Variants in GLCCI1 observed in about 807,000 individuals in gnomAD.
The protein encoded by GLCCI1 is glucocorticoid-induced transcript 1 protein.
A neutral mutation model predicts 52.2 loss-of-function variants in GLCCI1; 24 were observed. The ratio of observed to expected loss-of-function variants is 0.46; its 90% confidence interval spans 0.33 to 0.65. The LOEUF (loss-of-function observed/expected upper bound fraction) is 0.65. GLCCI1 is among the 30% of genes least tolerant of loss of function. GLCCI1 has a pLI of 0.02. For missense variants in GLCCI1, 704 were observed against 701.5 expected, an observed-to-expected ratio of 1.00 and a Z score of -0.04; for synonymous variants, 310 against 276.5, an observed-to-expected ratio of 1.12 and a Z score of -1.20.
In GLCCI1 at chr7:8,024,359, C is replaced by T. The variant is rs138368986; in HGVS notation, c.696+1790C>T. Among the ~76,000 whole-genome samples, 216 of 152,254 alleles carry T rather than the reference C, an allele frequency of 1.4e-3. 1 individual carries two copies. Among genetic ancestry groups the T allele is most frequent in the African/African-American group, 4.6e-3 (193 of 41,544 alleles). ...AAAAAAAATCAGTTTTCTCCAGCAA[C>T]AACAAAAAATAAATGAAGCTAAGTC... is the stretch of plus-strand genomic sequence containing the variant. On this transcript the variant is annotated intron_variant, in intron 3 of 7. Transcript: ENST00000223145.
chr7:7,977,287 T>C (rs1401385117), intron 1 of GLCCI1, among the ~76,000 whole-genome samples: 1 of 152,204 alleles, frequency 6.6e-6, no homozygotes, highest in African/African-American at 2.4e-5. Context: ...ATAGATGATA[T>C]TGAGAATAAG....
chr7:7,993,364 C>T (rs1238355085), intron 1 of GLCCI1, among the ~76,000 whole-genome samples: 1 of 152,198 alleles, frequency 6.6e-6, no homozygotes, highest in African/African-American at 2.4e-5. Context: ...TTCTTTGCTT[C>T]TGTCTGCTCA....
intron 3 of GLCCI1, among the ~76,000 whole-genome samples, chr7:8,053,162 G>A (rs1584002755): frequency 1.3e-5 from 2 of 151,664 alleles, no homozygotes; most frequent in African/African-American, 4.8e-5. Flanking sequence ...GCCAGTTTCT[G>A]TTTTTTCTTC....
intron 1 of GLCCI1, among the ~76,000 whole-genome samples, chr7:7,997,299 A>G (rs77782416): frequency 2.0e-5 from 3 of 152,302 alleles, no homozygotes; most frequent in East Asian, 3.9e-4. Flanking sequence ...ATTAAAAACT[A>G]TAGCTTTCAA....
chr7:7,999,778 C>T (rs1389111825), intron 1 of GLCCI1, among the ~76,000 whole-genome samples: 1 of 152,064 alleles, frequency 6.6e-6, no homozygotes, highest in Non-Finnish European at 1.5e-5. Flanking sequence ...TGATGCACAC[C>T]TGTGGTCCCA....
intron 3 of GLCCI1, among the ~76,000 whole-genome samples, chr7:8,032,583 A>T (rs955655759): frequency 2.0e-5 from 3 of 152,038 alleles, no homozygotes; most frequent in African/African-American, 4.8e-5. Context: ...GTACAAACTT[A>T]AAAAATATTA....
At chr7:8,039,458 TAAAG>T (rs1781948033) in intron 3 of GLCCI1, among the ~76,000 whole-genome samples, 1 of 152,186 alleles carries the variant, frequency 6.6e-6, no homozygotes, top group Non-Finnish European at 1.5e-5. Flanking sequence ...TATTAATTCA[TAAAG>T]AAGAATGAAA....
Position 8,087,258 on chromosome 7 carries a change from GGAGAA to G in GLCCI1, c.*721_*725del, listed in dbSNP as rs1783136188. On this transcript the variant is annotated 3_prime_UTR_variant, in exon 8 of 8. Transcript: ENST00000223145. ...TAATCCTGGACATGGGTGAACATGA[GGAGAA>G]CCAGCAAAATCTGTGGTGTTTGACA... 1 of 152,632 alleles carries G rather than the reference GGAGAA, an allele frequency of 6.6e-6. No homozygotes were observed. Among genetic ancestry groups the G allele is most frequent in the African/African-American group, 2.4e-5 (1 of 41,450 alleles). 9.5% of individuals were successfully genotyped at this position (152,632 alleles called of 1,614,324 possible).
chr7:8,054,206 ATC>A (rs1416227097), intron 3 of GLCCI1, among the ~76,000 whole-genome samples: 1 of 152,116 alleles, frequency 6.6e-6, no homozygotes, highest in African/African-American at 2.4e-5. Context: ...ATAGAGAATT[ATC>A]TGTCTTGAGT....
At chr7:7,987,343 T>G (rs1461896925) in intron 1 of GLCCI1, among the ~76,000 whole-genome samples, 6 of 152,206 alleles carry the variant, frequency 3.9e-5, no homozygotes, top group Non-Finnish European at 7.3e-5. Flanking sequence ...TCCTGACGTT[T>G]CCAGGTAAAG....
intron 1 of GLCCI1, among the ~76,000 whole-genome samples, chr7:8,003,517 C>T (rs1241859529): frequency 2.6e-5 from 4 of 152,048 alleles, no homozygotes; most frequent in Admixed American, 2.6e-4. Context: ...CAATGACTAA[C>T]CATGGAAATG....
intron 3 of GLCCI1, 33 bp from the exon 4 acceptor site, chr7:8,055,400 T>G (rs1782362245): frequency 7.3e-7 from 1 of 1,372,106 alleles, no homozygotes; most frequent in Non-Finnish European, 1.0e-6. Flanking sequence ...TCACTTTTAT[T>G]CTCTTCTTAC....
chr7:8,005,319 C>G (rs1038657260), intron 2 of GLCCI1, among the ~76,000 whole-genome samples: 1 of 151,752 alleles, frequency 6.6e-6, no homozygotes, highest in Non-Finnish European at 1.5e-5. Context: ...AGAAGAAGGT[C>G]AAGTGATGGA....
At chr7:8,053,497 ATTT>A (rs35685744) in intron 3 of GLCCI1, among the ~76,000 whole-genome samples, 2 of 112,030 alleles carry the variant, frequency 1.8e-5, no homozygotes, top group African/African-American at 3.3e-5. Context: ...TAATTTTTGT[ATTT>A]TTTTTTTTTT....
chr7:7,981,698 T>A (rs1780625282), intron 1 of GLCCI1: 1 of 249,324 alleles, frequency 4.0e-6, no homozygotes, highest in South Asian at 4.4e-5. Context: ...AAACATGGAT[T>A]TTAGCCAGTC....
intron 6 of GLCCI1, among the ~76,000 whole-genome samples, chr7:8,081,190 C>T (rs992914473): frequency 5.3e-5 from 8 of 151,890 alleles, no homozygotes; most frequent in Non-Finnish European, 1.2e-4. Context: ...GGAGCTTTAC[C>T]CCCCACCTCC....
intron 2 of GLCCI1, among the ~76,000 whole-genome samples, chr7:8,017,212 G>C (rs903007269): frequency 3.3e-5 from 5 of 152,198 alleles, no homozygotes; most frequent in Admixed American, 3.3e-4. Context: ...TATGACTTCA[G>C]TGGGTGTTTT....
At chr7:7,970,846 G>A (rs561180510) in intron 1 of GLCCI1, among the ~76,000 whole-genome samples, 10 of 152,130 alleles carry the variant, frequency 6.6e-5, no homozygotes, top group Admixed American at 5.9e-4. Flanking sequence ...CTGCATTGTG[G>A]AGGGAACAGA....
intron 3 of GLCCI1, among the ~76,000 whole-genome samples, chr7:8,051,181 T>G (rs535789715): frequency 1.3e-5 from 2 of 152,242 alleles, no homozygotes; most frequent in Non-Finnish European, 2.9e-5. Flanking sequence ...AAATTTCTAT[T>G]ATAGGAATAT....
Sources: gnomAD v4.1 joint callset for allele counts (sites outside exome capture counted in the v4.1 genomes callset) on GRCh38, gnomAD v4.1.1 for gene constraint, MANE v1.5 for transcripts, NCBI Gene and HGNC (gene_info 2026-07-23, HGNC 2026-07-21) for gene names.